The following DNAH14 variants were observed in gnomAD, a reference collection of about 807,000 sequenced individuals.
The protein encoded by DNAH14 is axonemal beta dynein heavy chain 14.
Under a neutral mutation model 520.9 loss-of-function variants are expected in DNAH14, and 478 were observed. The ratio of observed to expected loss-of-function variants is 0.92; its 90% CI spans 0.85 to 0.99. The LOEUF is 0.99. Ranked by LOEUF, DNAH14 falls within the 50% of genes least tolerant of loss-of-function variation. DNAH14 has a pLI of 0.00. For synonymous variants in DNAH14, 1,581 were observed against 1,757.2 expected (o/e 0.90, Z 2.51); for missense variants, 4,831 against 5,234.5 (o/e 0.92, Z 2.38).
intron 8 of DNAH14, among the ~76,000 whole-genome samples, chr1:224,976,288 T>G (rs571738079): frequency 1.3e-4 from 20 of 152,292 alleles, no homozygotes; most frequent in African/African-American, 4.8e-4. Context: ...CCTTGTTAAC[T>G]TTCTGTCTTG....
chr1:225,042,894 A>C lies in DNAH14; in HGVS notation c.1548A>C (p.Glu516Asp), dbSNP rs201098114. Residue 516 changes from glutamate to aspartate, a missense_variant, in exon 13 of 86, where the codon GAA (glutamate) becomes GAC (aspartate). Transcript: ENST00000682510. ...DLRKTYAPIFEVNLCLRIPAE... is the reference protein window; with the variant it reads ...DLRKTYAPIFDVNLCLRIPAE... ...GAAAAACATATGCACCAATATTTGA[A>C]GTAAATCTATGCTTGAGAATTCCTG... 6.4e-7 allele frequency: 1 copy of C among 1,551,652 alleles called. No homozygotes were observed. The highest frequency in any genetic ancestry group is 8.7e-7 in the Non-Finnish European group (1 of 1,146,976).
At position 225,206,112 on chromosome 1, in the gene DNAH14, T is replaced by C. The variant is rs1330687587; in HGVS notation, c.6119T>C (p.Ile2040Thr). The change falls in exon 40 of 86, where the codon ATT becomes ACT. Residue 2040 changes from isoleucine to threonine, a missense_variant. Ile to Thr is a moderately conservative substitution (Grantham distance 89). Coordinates refer to ENST00000682510, the MANE Select transcript of DNAH14 (RefSeq NM_001367479.1). ...RIALTNKIRV[I>T]FEVDNLSQAS... ...GCTTTAACTAATAAAATAAGAGTGA[T>C]TTTTGAAGTGGACAATCTCTCTCAG... is the stretch of plus-strand genomic sequence containing the variant. 1 of 1,551,348 alleles carries C rather than the reference T, an allele frequency of 6.4e-7. No homozygotes were observed. Among genetic ancestry groups the C allele is most frequent in the African/African-American group, 1.4e-5 (1 of 73,048 alleles).
At position 225,152,060 on chromosome 1, in the gene DNAH14, A is replaced by C; in HGVS notation, c.4996A>C (p.Thr1666Pro). 1 of 1,550,160 alleles carries C rather than the reference A, an allele frequency of 6.5e-7. No individual in the cohort carries two copies. The highest frequency in any genetic ancestry group is 2.4e-5 in the East Asian group (1 of 40,898). ...RINMSCAVFI[T>P]MNPRYGGGVE... is the part of the protein sequence containing the mutation. ...CAATATGTCTTGTGCGGTATTTATC[A>C]CCATGAATCCCAGGTAAGTATCAGT... Residue 1666 changes from threonine to proline, a missense_variant, in exon 32 of 86, where the codon ACC becomes CCC. By Grantham distance (38) the Thr-to-Pro change is conservative (BLOSUM62 -1). Coordinates refer to ENST00000682510, the MANE Select transcript of DNAH14 (RefSeq NM_001367479.1).
chr1:224,972,301 T>C (rs531066780), intron 7 of DNAH14, among the ~76,000 whole-genome samples: 1 of 152,084 alleles, frequency 6.6e-6, no homozygotes, highest in South Asian at 2.1e-4. Flanking sequence ...TTTTATGATT[T>C]ATTTATTTAT....
chr1:225,051,310 T>C (rs2148312818), intron 16 of DNAH14, 141 bp from the exon 17 acceptor site: 1 of 581,464 alleles, frequency 1.7e-6, no homozygotes, highest in East Asian at 3.3e-5. Flanking sequence ...TTCCAACATA[T>C]TTCGATTTTT....
rs773016903 is a variant in DNAH14 at position 225,368,022 on chromosome 1, C to A, written c.12308C>A (p.Ser4103Ter). The change falls in exon 77 of 86, where the codon TCA becomes TAA. Residue 4103 changes from serine (S) to a stop codon, truncating the protein, a stop_gained. Coordinates refer to ENST00000682510, the MANE Select transcript of DNAH14 (RefSeq NM_001367479.1). LOFTEE classifies it high-confidence loss of function. The part of the protein sequence containing the change: ...GWNIAYKFNS[S>*]DLGVAIKVLE... ...AATATTGCTTATAAATTTAATTCTTCAGACTTGGGGGTAAGTGTAGTCTCT... is the reference window on the plus strand; with the variant it reads ...AATATTGCTTATAAATTTAATTCTTAAGACTTGGGGGTAAGTGTAGTCTCT... The A allele has an allele frequency of 6.5e-7, 1 of 1,547,450 alleles. No individual in the cohort carries two copies. The highest frequency in any genetic ancestry group is 8.7e-7 in the Non-Finnish European group (1 of 1,145,612).
At chr1:225,073,723 G>A (rs2148508879) in intron 17 of DNAH14, among the ~76,000 whole-genome samples, 1 of 152,178 alleles carries the variant, frequency 6.6e-6, no homozygotes, top group Non-Finnish European at 1.5e-5. Flanking sequence ...GTCTTGCTCT[G>A]TCACCAGGCT....
chr1:225,087,627 G>A (rs1369941829), intron 21 of DNAH14, among the ~76,000 whole-genome samples: 1 of 152,226 alleles, frequency 6.6e-6, no homozygotes, highest in Non-Finnish European at 1.5e-5. Flanking sequence ...AGACCTTGGA[G>A]AAGGAAGATG....
chr1:225,179,454 C>T (rs2083715262), intron 36 of DNAH14, among the ~76,000 whole-genome samples: 1 of 152,144 alleles, frequency 6.6e-6, no homozygotes, highest in Admixed American at 6.6e-5. Flanking sequence ...GACAACATAA[C>T]TTTAATCACA....
At chr1:225,152,094 T>C in intron 32 of DNAH14, 21 bp downstream of exon 32, 2 of 1,539,700 alleles carry the variant, frequency 1.3e-6, no homozygotes, top group East Asian at 2.4e-5. Context: ...GTAAATCTAG[T>C]GGGAATAGAC....
chr1:225,144,042 C>T (rs982082405), intron 28 of DNAH14, among the ~76,000 whole-genome samples: 15 of 152,164 alleles, frequency 9.9e-5, no homozygotes, highest in African/African-American at 3.4e-4. Context: ...TTATGATAAA[C>T]ATCATCTTCA....
chr1:225,372,087 C>T (rs1300689001), intron 77 of DNAH14, among the ~76,000 whole-genome samples: 6 of 152,144 alleles, frequency 3.9e-5, no homozygotes, highest in East Asian at 1.9e-4. Context: ...TTCCACAGTT[C>T]GTTTTTTTAA....
At position 225,324,246 on chromosome 1, in the gene DNAH14, G is replaced by T. The variant is rs769246691; in HGVS notation, c.9520G>T (p.Val3174Leu). The part of the protein sequence containing the change: ...DKVFVKLKKI[V>L]TLPDFNPHKI... ...GGTTTTCGTGAAGCTAAAAAAAATT[G>T]TAACCTTACCTGATTTCAACCCACA... The change falls in exon 63 of 86, where the codon GTA becomes TTA. Residue 3174 changes from valine to leucine, a missense_variant. Transcript: ENST00000682510. The T allele has an allele frequency of 1.7e-5, 26 of 1,551,640 alleles. No individual in the cohort carries two copies. Among genetic ancestry groups the T allele is most frequent in the Middle Eastern group, 1.7e-4 (1 of 5,994 alleles).
At chr1:225,255,555 C>G (rs2092703441) in intron 44 of DNAH14, among the ~76,000 whole-genome samples, 1 of 152,160 alleles carries the variant, frequency 6.6e-6, no homozygotes, top group African/African-American at 2.4e-5. Flanking sequence ...CCTACATCAT[C>G]TAAGGAATCT....
chr1:224,998,177 T>G (rs1242312555), intron 8 of DNAH14, among the ~76,000 whole-genome samples: 1 of 152,170 alleles, frequency 6.6e-6, no homozygotes. Flanking sequence ...GTCTTTTCAC[T>G]TTTTTTCAGT....
chr1:225,097,185 G>A lies in DNAH14; in HGVS notation c.3641G>A (p.Cys1214Tyr). The A allele has an allele frequency of 1.3e-6, 2 of 1,550,624 alleles. No individual in the cohort carries two copies. Among genetic ancestry groups the A allele is most frequent in the Non-Finnish European group, 1.7e-6 (2 of 1,146,480 alleles). Reference sequence around the variant, plus strand: ...TACACCCTTGAGGAATGGATGAATTGTCAAAGAAATTGGCTTTATCTTGAA... The same window carrying A: ...TACACCCTTGAGGAATGGATGAATTATCAAAGAAATTGGCTTTATCTTGAA... ...FSYTLEEWMN[C>Y]QRNWLYLEPV... The change falls in exon 22 of 86, where the codon TGT becomes TAT. Residue 1214 changes from cysteine to tyrosine, a missense_variant. Coordinates refer to ENST00000682510, the MANE Select transcript of DNAH14 (RefSeq NM_001367479.1).
chr1:225,381,715 T>G, intron 81 of DNAH14, 136 bp downstream of exon 81: 1 of 751,422 alleles, frequency 1.3e-6, no homozygotes, highest in Non-Finnish European at 2.1e-6. Flanking sequence ...TACTTTTTCA[T>G]ATTTTCACAT....
At chr1:225,192,645 A>G in intron 37 of DNAH14, 51 bp from the exon 38 acceptor site, 2 of 1,274,184 alleles carry the variant, frequency 1.6e-6, no homozygotes, top group East Asian at 5.1e-5. Flanking sequence ...AATAAACTAA[A>G]TAATTGGTCT....
In DNAH14 at chr1:225,289,791, T is replaced by G. The variant is rs2093824955; in HGVS notation, c.8272-94T>G. 3 of 881,220 alleles carry G rather than the reference T, an allele frequency of 3.4e-6. No homozygotes were observed. The South Asian group carries it at 1.6e-4, about 48-fold the overall frequency. 54.6% of individuals were successfully genotyped at this position (881,220 alleles called of 1,614,324 possible). On this transcript the variant is annotated intron_variant, in intron 54 of 85. Coordinates refer to ENST00000682510, the MANE Select transcript of DNAH14 (RefSeq NM_001367479.1). ...AAAAATAGTCTGGGGTATTTTTACATCAAAATTTCTAGCACAAATAATAAA... is the reference window on the plus strand; with the variant it reads ...AAAAATAGTCTGGGGTATTTTTACAGCAAAATTTCTAGCACAAATAATAAA...
Sources: allele counts gnomAD v4.1 joint callset (sites outside exome capture counted in the v4.1 genomes callset), GRCh38; gene constraint gnomAD v4.1.1; transcripts MANE v1.5; gene names NCBI Gene and HGNC (gene_info 2026-07-23, HGNC 2026-07-21).